Variants in VPS53 observed in about 807,000 individuals in gnomAD.
VPS53 encodes the protein VPS53 subunit of GARP complex, also known as vacuolar protein sorting-associated protein 53 homolog.
In VPS53, 70 loss-of-function variants were observed where a neutral mutation model predicts 107.0. The ratio of observed to expected loss-of-function variants is 0.65; its 90% CI spans 0.54 to 0.80. The LOEUF is 0.80. Ranked by LOEUF, VPS53 falls within the 30% of genes least tolerant of loss-of-function variation. The probability of loss-of-function intolerance (pLI) is 0.00; values close to 1 mark genes in which losing one functional copy is unlikely to be tolerated. For missense variants in VPS53, 917 were observed against 1,049.4 expected (o/e 0.87, Z 1.74); for synonymous variants, 409 against 393.3 (o/e 1.04, Z -0.47).
At chr17:698,391 C>T (rs1366287877) in intron 3 of VPS53, among the ~76,000 whole-genome samples, 1 of 151,106 alleles carries the variant, frequency 6.6e-6, no homozygotes, top group Non-Finnish European at 1.5e-5. Context: ...CAAGATCACA[C>T]CACTGCACTC....
intron 15 of VPS53, among the ~76,000 whole-genome samples, chr17:558,345 T>C (rs1451583252): frequency 2.0e-5 from 3 of 152,028 alleles, no homozygotes; most frequent in Non-Finnish European, 4.4e-5. Context: ...CGGGTGCCTG[T>C]AGTCCCAGCT....
At chr17:692,432 A>C (rs1250816626) in intron 4 of VPS53, among the ~76,000 whole-genome samples, 1 of 152,210 alleles carries the variant, frequency 6.6e-6, no homozygotes, top group African/African-American at 2.4e-5. Flanking sequence ...AGAAGAGGTC[A>C]CAGACTAGAC....
At chr17:570,782 T>C (rs1355004576) in intron 13 of VPS53, among the ~76,000 whole-genome samples, 1 of 152,034 alleles carries the variant, frequency 6.6e-6, no homozygotes, top group African/African-American at 2.4e-5. Context: ...ACTGCTGAAA[T>C]GTGAGGAGGA....
At chr17:604,961 A>G (rs1968496711) in intron 11 of VPS53, among the ~76,000 whole-genome samples, 1 of 152,214 alleles carries the variant, frequency 6.6e-6, no homozygotes, top group Admixed American at 6.5e-5. Flanking sequence ...TGGGGGAGAC[A>G]GCCTTCAATC....
rs200340114 is a variant in VPS53, at chr17:697,439, G to A, written c.264C>T (p.Asn88=). The A allele has an allele frequency of 1.8e-5, 29 of 1,613,936 alleles. No homozygotes were observed. The highest frequency in any genetic ancestry group is 7.7e-5 in the South Asian group (7 of 91,092). Residue 88 remains asparagine, a synonymous_variant, in exon 4 of 22, where the codon AAC becomes AAT. Transcript: ENST00000437048. ...TTACTTGCCGTCCATCCTGCCCCAC[G>A]TTCGTCTGACCTCTTACAACAGTTC... ...NIRTVVRGQT[N]VGQDGRQALE... is the part of the protein sequence containing the mutation.
At chr17:588,878 G>A (rs945479858) in intron 12 of VPS53, among the ~76,000 whole-genome samples, 4 of 152,126 alleles carry the variant, frequency 2.6e-5, no homozygotes, top group African/African-American at 7.2e-5. Context: ...TGTGAGGGGT[G>A]TCCTCACCCA....
intron 19 of VPS53, among the ~76,000 whole-genome samples, chr17:529,741 A>G (rs1909387220): frequency 6.6e-6 from 1 of 151,984 alleles, no homozygotes; most frequent in Non-Finnish European, 1.5e-5. Context: ...TCCTGATGTT[A>G]TTGTAAATGA....
At chr17:628,396 T>G (rs1969808696) in intron 8 of VPS53, among the ~76,000 whole-genome samples, 165 bp from the exon 9 acceptor site, 1 of 152,166 alleles carries the variant, frequency 6.6e-6, no homozygotes, top group Non-Finnish European at 1.5e-5. Context: ...CTGCTGCTCC[T>G]CGAGGATGGA....
At chr17:564,688 G>T (rs1240853154) in intron 13 of VPS53, among the ~76,000 whole-genome samples, 1 of 152,028 alleles carries the variant, frequency 6.6e-6, no homozygotes, top group African/African-American at 2.4e-5. Context: ...CTGCATTCCA[G>T]CCTGGGCAAC....
chr17:705,413 G>C (rs1000227610), intron 2 of VPS53, among the ~76,000 whole-genome samples: 1 of 142,082 alleles, frequency 7.0e-6, no homozygotes, highest in African/African-American at 2.6e-5. Context: ...ACACAGCAAG[G>C]CCCAGTCTGT....
In VPS53 at chr17:655,846, G is replaced by A; in HGVS notation, c.480C>T (p.Asp160=). 6.2e-7 allele frequency: 1 copy of A among 1,613,214 alleles called. No individual in the cohort carries two copies. The highest frequency in any genetic ancestry group is 8.5e-7 in the Non-Finnish European group (1 of 1,179,580). ...NHLHMLAGGV[D]SLEAMTRRRQ... is the part of the protein sequence containing the mutation. ...AAGTTGGCATTGCTTACTCGAGGGA[G>A]TCGACACCTCCTGCCAGCATGTGCA... is the stretch of plus-strand genomic sequence containing the variant. Residue 160 remains aspartate, a synonymous_variant, in exon 6 of 22, where the codon GAC becomes GAT. Transcript: ENST00000437048.
At chr17:615,719 C>G (rs1254131831) in intron 11 of VPS53, among the ~76,000 whole-genome samples, 1 of 152,104 alleles carries the variant, frequency 6.6e-6, no homozygotes, top group Non-Finnish European at 1.5e-5. Context: ...AAAATGGTAG[C>G]CAAAAAGGAG....
chr17:697,973 C>T (rs1383577939), intron 3 of VPS53, among the ~76,000 whole-genome samples: 3 of 152,126 alleles, frequency 2.0e-5, no homozygotes, highest in African/African-American at 7.2e-5. Flanking sequence ...TCTGCCCCCA[C>T]GGTTCACAAT....
intron 4 of VPS53, among the ~76,000 whole-genome samples, chr17:687,406 T>C (rs1377074484): frequency 1.3e-5 from 2 of 151,546 alleles, no homozygotes; most frequent in African/African-American, 2.4e-5. Flanking sequence ...GGAAACCCCA[T>C]CTCCACTAAA....
At chr17:611,506 G>A (rs1968872907) in intron 11 of VPS53, among the ~76,000 whole-genome samples, 1 of 152,198 alleles carries the variant, frequency 6.6e-6, no homozygotes, top group African/African-American at 2.4e-5. Context: ...AAACCGTGTG[G>A]CTGCTTCGAA....
At chr17:597,079 C>G (rs1318693098) in intron 12 of VPS53, among the ~76,000 whole-genome samples, 1 of 152,186 alleles carries the variant, frequency 6.6e-6, no homozygotes, top group Non-Finnish European at 1.5e-5. Flanking sequence ...CAGTTTTTAT[C>G]ATTGGGAATA....
intron 11 of VPS53, among the ~76,000 whole-genome samples, chr17:617,117 C>G (rs1166305969): frequency 1.3e-5 from 2 of 152,202 alleles, no homozygotes; most frequent in African/African-American, 4.8e-5. Flanking sequence ...AGAGCCTGTC[C>G]TGATGCTCTC....
chr17:623,429 T>C, intron 11 of VPS53, 104 bp downstream of exon 11: 2 of 1,373,208 alleles, frequency 1.5e-6, no homozygotes, highest in Non-Finnish European at 2.0e-6. Flanking sequence ...CAATGAGGGG[T>C]TAAGCACCGA....
At chr17:642,742 G>A (rs1257181852) in intron 7 of VPS53, among the ~76,000 whole-genome samples, 3 of 150,774 alleles carry the variant, frequency 2.0e-5, no homozygotes, top group African/African-American at 4.9e-5. Flanking sequence ...CTTGGAAAGC[G>A]AGGACAACAC....
Sources: allele counts gnomAD v4.1 joint callset (sites outside exome capture counted in the v4.1 genomes callset), GRCh38; gene constraint gnomAD v4.1.1; transcripts MANE v1.5; gene names NCBI Gene and HGNC (gene_info 2026-07-23, HGNC 2026-07-21).